The following RORA variants were observed in gnomAD, a reference collection of about 807,000 sequenced individuals.
The protein encoded by RORA is nuclear receptor ROR-alpha.
A neutral mutation model predicts 69.5 loss-of-function variants in RORA; 7 were observed. The ratio of observed to expected loss-of-function variants is 0.10; its 90% CI spans 0.06 to 0.19. The LOEUF (loss-of-function observed/expected upper bound fraction) is 0.19, where lower values mean the gene tolerates loss of function less well. Ranked by LOEUF, RORA falls within the 10% of genes least tolerant of loss-of-function variation. The pLI, the probability that RORA is intolerant of heterozygous loss-of-function variation, is 1.00. For synonymous variants in RORA, 261 were observed against 240.8 expected, an observed-to-expected ratio of 1.08 and a Z score of -0.78; for missense variants, 457 against 663.0, an observed-to-expected ratio of 0.69 and a Z score of 3.41.
At chr15:61,054,069 T>C (rs2078056024) in intron 1 of RORA, among the ~76,000 whole-genome samples, 1 of 151,738 alleles carries the variant, frequency 6.6e-6, no homozygotes, top group African/African-American at 2.4e-5. Flanking sequence ...GTGGTAGGTG[T>C]GACTTGGAAA....
At chr15:60,885,800 A>G (rs1226504350) in intron 1 of RORA, among the ~76,000 whole-genome samples, 1 of 152,218 alleles carries the variant, frequency 6.6e-6, no homozygotes, top group Non-Finnish European at 1.5e-5. Flanking sequence ...TTGAGCCTCA[A>G]CTTCCTCATG....
intron 1 of RORA, among the ~76,000 whole-genome samples, chr15:61,053,870 C>G (rs1595922863): frequency 4.1e-5 from 1 of 24,620 alleles, no homozygotes. Flanking sequence ...TATAAACATT[C>G]TTCAGGGAGG....
rs570293467 is a variant in RORA at position 61,185,728 on chromosome 15, T to G, written c.166+43325A>C. 3.3e-5 allele frequency among the ~76,000 whole-genome samples: 5 copies of G among 152,318 alleles called. No homozygotes were observed. In the South Asian group the frequency reaches 6.2e-4, roughly 19 times the overall value. Reference sequence around the variant, plus strand: ...ACTCAAGTTCCAGCCTTTGATGCCTTAATTCTAGAACATCCCTATCTGCAC... The same window carrying G: ...ACTCAAGTTCCAGCCTTTGATGCCTGAATTCTAGAACATCCCTATCTGCAC... On this transcript the variant is annotated intron_variant, in intron 1 of 10. Coordinates refer to ENST00000335670, the MANE Select transcript of RORA (RefSeq NM_134261.3).
chr15:60,975,519 A>G (rs974883028), intron 1 of RORA, among the ~76,000 whole-genome samples: 5 of 151,984 alleles, frequency 3.3e-5, no homozygotes, highest in Non-Finnish European at 7.4e-5. Flanking sequence ...GGATCCTAGA[A>G]CTCACTCTGG....
intron 1 of RORA, among the ~76,000 whole-genome samples, chr15:60,826,927 T>G (rs236220): frequency 0.25 from 37,460 of 152,086 alleles, 5,002 homozygotes; most frequent in Admixed American, 0.33. Context: ...GTCTGGAAAC[T>G]CCATAACTTT....
At chr15:60,499,829 G>T in intron 10 of RORA, 63 bp downstream of exon 10, 1 of 860,768 alleles carries the variant, frequency 1.2e-6, no homozygotes, top group Non-Finnish European at 1.9e-6. Context: ...TGACCATATT[G>T]GCAGCATGAT....
chr15:60,699,168 C>T (rs2070947379), intron 1 of RORA, among the ~76,000 whole-genome samples: 1 of 151,848 alleles, frequency 6.6e-6, no homozygotes, highest in Non-Finnish European at 1.5e-5. Flanking sequence ...CTATAAATAT[C>T]CTCTTTAAAA....
At chr15:60,913,552 T>C (rs1566907344) in intron 1 of RORA, among the ~76,000 whole-genome samples, 1 of 152,230 alleles carries the variant, frequency 6.6e-6, no homozygotes, top group African/African-American at 2.4e-5. Context: ...GGGCACCAAA[T>C]GACTTACTTC....
intron 1 of RORA, among the ~76,000 whole-genome samples, chr15:61,084,120 G>A (rs1320762350): frequency 6.6e-6 from 1 of 152,198 alleles, no homozygotes; most frequent in Non-Finnish European, 1.5e-5. Context: ...CTGGCTCCAA[G>A]AGGGGCTATC....
intron 1 of RORA, among the ~76,000 whole-genome samples, chr15:61,069,647 T>A (rs749881911): frequency 4.0e-5 from 6 of 151,416 alleles, no homozygotes; most frequent in Admixed American, 2.6e-4. Flanking sequence ...TAATCCACAT[T>A]GTGAAAAAGT....
chr15:61,196,630 T>C (rs1472266437), intron 1 of RORA, among the ~76,000 whole-genome samples: 1 of 152,234 alleles, frequency 6.6e-6, no homozygotes, highest in Non-Finnish European at 1.5e-5. Context: ...AGCCATAATA[T>C]TATGAAATAT....
chr15:61,049,917 C>G (rs1385473432), intron 1 of RORA, among the ~76,000 whole-genome samples: 3 of 152,188 alleles, frequency 2.0e-5, no homozygotes, highest in Non-Finnish European at 4.4e-5. Flanking sequence ...CCTCAGCCTC[C>G]CAAAGTGCTG....
chr15:61,212,587 T>C (rs1470604267), intron 1 of RORA, among the ~76,000 whole-genome samples: 1 of 152,114 alleles, frequency 6.6e-6, no homozygotes, highest in Admixed American at 6.5e-5. Context: ...AGAAAGGGTT[T>C]CACCATATTG....
intron 1 of RORA, among the ~76,000 whole-genome samples, chr15:60,936,767 T>C (rs184762056): frequency 2.6e-4 from 40 of 152,354 alleles, no homozygotes; most frequent in African/African-American, 9.4e-4. Context: ...TTAGAAAAAC[T>C]AGCAGTTATT....
chr15:61,211,614 T>C (rs1252867045), intron 1 of RORA, among the ~76,000 whole-genome samples: 8 of 152,218 alleles, frequency 5.3e-5, no homozygotes, highest in African/African-American at 1.4e-4. Flanking sequence ...TAGTGAAATA[T>C]TGACAGGGAA....
At chr15:60,899,992 T>C (rs1207442465) in intron 1 of RORA, among the ~76,000 whole-genome samples, 3 of 152,230 alleles carry the variant, frequency 2.0e-5, no homozygotes, top group African/African-American at 7.2e-5. Flanking sequence ...AGAATTATTT[T>C]AGTTGTTCCT....
At chr15:61,220,359 A>G (rs920794696) in intron 1 of RORA, among the ~76,000 whole-genome samples, 1 of 152,212 alleles carries the variant, frequency 6.6e-6, no homozygotes, top group African/African-American at 2.4e-5. Flanking sequence ...TGGCCTTTTC[A>G]TCATCCACTG....
At chr15:60,544,969 A>T (rs1172809707) in intron 2 of RORA, 1 of 152,228 alleles carries the variant, frequency 6.6e-6, no homozygotes, top group African/African-American at 2.4e-5. Flanking sequence ...GTAACATAAA[A>T]GCTTAATATG....
intron 1 of RORA, among the ~76,000 whole-genome samples, chr15:60,832,343 C>A (rs983119535): frequency 1.3e-5 from 2 of 152,160 alleles, no homozygotes; most frequent in African/African-American, 4.8e-5. Context: ...CCTGGGAAAT[C>A]CGGTAGTCTG....
Sources: allele counts gnomAD v4.1 joint callset (sites outside exome capture counted in the v4.1 genomes callset), GRCh38; gene constraint gnomAD v4.1.1; transcripts MANE v1.5; gene names NCBI Gene and HGNC (gene_info 2026-07-23, HGNC 2026-07-21).